Variants in SUCLG2 observed in about 807,000 individuals in gnomAD.
The protein encoded by SUCLG2 is succinate--CoA ligase [GDP-forming] subunit beta, mitochondrial.
A neutral mutation model predicts 47.9 loss-of-function variants in SUCLG2; 42 were observed. That is an observed-to-expected ratio of 0.88 (90% CI 0.69 to 1.14). SUCLG2 has a LOEUF of 1.14. Among genes scored for constraint, SUCLG2 ranks in the 50% most tolerant of loss-of-function variants. The pLI, the probability that SUCLG2 is intolerant of heterozygous loss-of-function variation, is 0.00. For missense variants in SUCLG2, 571 were observed against 525.9 expected (o/e 1.09, Z -0.84); for synonymous variants, 195 against 197.3 (o/e 0.99, Z 0.10).
At chr3:67,550,305 A>G (rs1706979372) in intron 2 of SUCLG2, among the ~76,000 whole-genome samples, 1 of 152,186 alleles carries the variant, frequency 6.6e-6, no homozygotes, top group Non-Finnish European at 1.5e-5. Context: ...TCTAAGATCT[A>G]TAAACAGGAT....
intron 2 of SUCLG2, among the ~76,000 whole-genome samples, chr3:67,541,872 C>A (rs1209075621): frequency 6.9e-6 from 1 of 144,176 alleles, no homozygotes; most frequent in South Asian, 2.2e-4. Flanking sequence ...CATTCTTTTT[C>A]TTTTTTTTTT....
At position 67,535,267 on chromosome 3, in the gene SUCLG2, T is replaced by C. The variant is rs182145180; in HGVS notation, c.227-6081A>G. Among the ~76,000 whole-genome samples, 27 of 152,188 alleles carry C rather than the reference T, an allele frequency of 1.8e-4. No homozygotes were observed. In the South Asian group the frequency reaches 2.1e-3, roughly 12 times the overall value. On this transcript the variant is annotated intron_variant, in intron 2 of 10. Coordinates refer to ENST00000307227, the MANE Select transcript of SUCLG2 (RefSeq NM_003848.4). ...TGACTTATAGACAAGGGATTTATTA[T>C]AGGAATCGAAGCTTGCACACTTACA...
At chr3:67,582,916 G>A (rs960340141) in intron 2 of SUCLG2, among the ~76,000 whole-genome samples, 2 of 151,738 alleles carry the variant, frequency 1.3e-5, no homozygotes, top group Non-Finnish European at 2.9e-5. Context: ...TCTCCCATAA[G>A]GCAACTCTCA....
chr3:67,514,939 T>C (rs1221243900), intron 6 of SUCLG2, among the ~76,000 whole-genome samples: 1 of 152,194 alleles, frequency 6.6e-6, no homozygotes, highest in Non-Finnish European at 1.5e-5. Flanking sequence ...CATCCAGCCA[T>C]TGACACCCAT....
At chr3:67,653,957 T>G (rs1045393172) in intron 1 of SUCLG2, among the ~76,000 whole-genome samples, 1 of 152,118 alleles carries the variant, frequency 6.6e-6, no homozygotes, top group Admixed American at 6.5e-5. Flanking sequence ...CGTTTCCCAT[T>G]TTTCTCCTTG....
In SUCLG2 at chr3:67,485,680, T is replaced by C. The variant is rs561388621; in HGVS notation, c.1062+10118A>G. Among the ~76,000 whole-genome samples the C allele has an allele frequency of 1.4e-4, 21 of 152,242 alleles. 2 individuals carry two copies. In the South Asian group the frequency reaches 4.3e-3, roughly 32 times the overall value. Reference sequence around the variant, plus strand: ...AAAATATCACACTTTTAGTAGGAAATGTAAATTCGTAAAGGTGAAACAGCG... The same window carrying C: ...AAAATATCACACTTTTAGTAGGAAACGTAAATTCGTAAAGGTGAAACAGCG... On this transcript the variant is annotated intron_variant, in intron 9 of 10. Coordinates refer to ENST00000307227, the MANE Select transcript of SUCLG2 (RefSeq NM_003848.4).
intron 10 of SUCLG2, among the ~76,000 whole-genome samples, chr3:67,391,735 G>A (rs993382330): frequency 6.6e-6 from 1 of 152,286 alleles, no homozygotes; most frequent in South Asian, 2.1e-4. Flanking sequence ...ATTGTTCTGG[G>A]CAGAGTGAAT....
Position 67,443,945 on chromosome 3 carries a change from G to A in SUCLG2, c.1063-43094C>T, listed in dbSNP as rs1437792592. The stretch of plus-strand genomic sequence containing the variant: ...AGCGTCTCCGCCCGGCAGCCACCCC[G>A]TCCGGGAGGGAGGTGGGGGGGGGTC... On this transcript the variant is annotated intron_variant, in intron 9 of 10. Transcript: ENST00000307227. 2.2e-4 allele frequency among the ~76,000 whole-genome samples: 22 copies of A among 99,176 alleles called. 1 individual carries two copies. The highest frequency in any genetic ancestry group is 4.3e-4 in the Non-Finnish European group (19 of 44,004). The allele number at this position is 99,176 out of a possible 152,430, so 65.1% of individuals were successfully genotyped here. A position where few individuals can be genotyped will look rare whatever the true frequency, so the allele number is the denominator to read the frequency against.
intron 9 of SUCLG2, among the ~76,000 whole-genome samples, chr3:67,438,346 C>G (rs1242234042): frequency 6.6e-6 from 1 of 151,980 alleles, no homozygotes; most frequent in East Asian, 1.9e-4. Flanking sequence ...CAAACAAATT[C>G]AAAAGGTAGC....
intron 2 of SUCLG2, among the ~76,000 whole-genome samples, chr3:67,569,034 C>G (rs547918766): frequency 6.6e-6 from 1 of 152,130 alleles, no homozygotes; most frequent in African/African-American, 2.4e-5. Context: ...TATTTAGGAA[C>G]GATGATTGTA....
At chr3:67,433,715 A>AATCCAGACATTG (rs572433208) in intron 9 of SUCLG2, among the ~76,000 whole-genome samples, 4 of 152,172 alleles carry the variant, frequency 2.6e-5, no homozygotes, top group Non-Finnish European at 5.9e-5. Context: ...ATTAATAATA[A>AATCCAGACATTG]ATCCAGACAT....
intron 1 of SUCLG2, among the ~76,000 whole-genome samples, chr3:67,640,940 G>A (rs992426948): frequency 6.6e-6 from 1 of 152,172 alleles, no homozygotes; most frequent in Admixed American, 6.5e-5. Flanking sequence ...TAAAATGTTA[G>A]TGTTTTTGTT....
chr3:67,483,432 T>C (rs1283455627), intron 9 of SUCLG2, among the ~76,000 whole-genome samples: 1 of 152,218 alleles, frequency 6.6e-6, no homozygotes. Flanking sequence ...CAGAGAGGTC[T>C]GCTTGGACAA....
At chr3:67,371,555 T>G (rs886749766), downstream of SUCLG2, among the ~76,000 whole-genome samples, 2 of 152,184 alleles carry the variant, frequency 1.3e-5, no homozygotes, top group African/African-American at 4.8e-5. Context: ...GCCCTTGCCT[T>G]ATGCCTTGTG....
chr3:67,380,288 G>C (rs1337307222), intron 10 of SUCLG2, among the ~76,000 whole-genome samples: 1 of 151,718 alleles, frequency 6.6e-6, no homozygotes, highest in African/African-American at 2.4e-5. Context: ...ACTCCAAGCT[G>C]TTACCACTTC....
chr3:67,549,852 TTC>T (rs1272095666), intron 2 of SUCLG2, among the ~76,000 whole-genome samples: 1 of 152,188 alleles, frequency 6.6e-6, no homozygotes, highest in Non-Finnish European at 1.5e-5. Flanking sequence ...GATAAATTTT[TTC>T]TTTTTTTTTT....
intron 9 of SUCLG2, among the ~76,000 whole-genome samples, chr3:67,491,411 C>A (rs1331499039): frequency 2.1e-5 from 3 of 141,790 alleles, no homozygotes; most frequent in Non-Finnish European, 4.5e-5. Context: ...GTCTCCCAGG[C>A]TGGAGTGCAA....
At chr3:67,609,727 A>C (rs78883373) in intron 1 of SUCLG2, 131 bp from the exon 2 acceptor site, 1 of 668,322 alleles carries the variant, frequency 1.5e-6, no homozygotes, top group Non-Finnish European at 2.1e-6. Context: ...AAGCAAAAGA[A>C]AAAAAAAACC....
chr3:67,595,679 A>G (rs1161723635), intron 2 of SUCLG2, among the ~76,000 whole-genome samples: 1 of 152,140 alleles, frequency 6.6e-6, no homozygotes, highest in African/African-American at 2.4e-5. Flanking sequence ...TTAGATGATT[A>G]TTTTATAAAC....
Sources: allele counts gnomAD v4.1 joint callset (sites outside exome capture counted in the v4.1 genomes callset), GRCh38; gene constraint gnomAD v4.1.1; transcripts MANE v1.5; gene names NCBI Gene and HGNC (gene_info 2026-07-23, HGNC 2026-07-21).